Variants in CELF2 observed in about 807,000 individuals in gnomAD.
CELF2 encodes CUGBP Elav-like family member 2, also known as CUG triplet repeat RNA-binding protein 2.
In CELF2, 8 loss-of-function variants were observed where a neutral mutation model predicts 62.6. That is an observed-to-expected ratio of 0.13 (90% CI 0.07 to 0.23). CELF2 has a LOEUF of 0.23. CELF2 is among the 10% of genes least tolerant of loss of function. The pLI is 1.00. For missense variants in CELF2, 333 were observed against 671.0 expected, an observed-to-expected ratio of 0.50 and a Z score of 5.56; for synonymous variants, 258 against 250.0, an observed-to-expected ratio of 1.03 and a Z score of -0.30.
rs116064590 is a variant in CELF2, at chr10:11,271,629, T to G, written c.777+805T>G. Among the ~76,000 whole-genome samples, 966 of 152,332 alleles carry G rather than the reference T, an allele frequency of 6.3e-3. 15 individuals carry two copies. The highest frequency in any genetic ancestry group is 0.022 in the African/African-American group (903 of 41,570). On this transcript the variant is annotated intron_variant, in intron 7 of 12. Coordinates refer to ENST00000633077, the MANE Select transcript of CELF2 (RefSeq NM_001326342.2). ...GCTCTTCTACCCTATTTTTCCACTT[T>G]GGAACATAAGTGCTGGACTTCACAT...
chr10:11,074,656 G>T (rs1430193050), intron 1 of CELF2, among the ~76,000 whole-genome samples: 1 of 152,210 alleles, frequency 6.6e-6, no homozygotes, highest in African/African-American at 2.4e-5. Flanking sequence ...GGCAGCACTT[G>T]TGTGAGCAGA....
At chr10:10,500,582 C>T in the CELF2 span, among the ~76,000 whole-genome samples, 1 of 152,266 alleles carries the variant, frequency 6.6e-6, no homozygotes, top group African/African-American at 2.4e-5. Context: ...ATTGTGAGGC[C>T]TCCCCAGCCA....
intron 2 of CELF2, among the ~76,000 whole-genome samples, chr10:11,189,975 A>G (rs995979176): frequency 6.6e-6 from 1 of 151,880 alleles, no homozygotes; most frequent in African/African-American, 2.4e-5. Context: ...CTGTACTTCC[A>G]TCTCTTTTTG....
intron 2 of CELF2, among the ~76,000 whole-genome samples, chr10:10,985,481 G>A (rs1258592367): frequency 2.0e-5 from 3 of 152,152 alleles, no homozygotes; most frequent in Non-Finnish European, 4.4e-5. Flanking sequence ...CCTTTTGTAA[G>A]ACACCCAACA....
the CELF2 span, among the ~76,000 whole-genome samples, chr10:10,518,681 G>A: frequency 6.6e-6 from 1 of 151,810 alleles, no homozygotes; most frequent in Non-Finnish European, 1.5e-5. Context: ...TTTTTTAATG[G>A]TGGACATCAG....
chr10:10,546,427 G>C, the CELF2 span, among the ~76,000 whole-genome samples: 1 of 152,184 alleles, frequency 6.6e-6, no homozygotes, highest in Non-Finnish European at 1.5e-5. Context: ...CAGGTTTCCG[G>C]GAGACAGTTT....
chr10:10,659,173 C>T, the CELF2 span, among the ~76,000 whole-genome samples: 15 of 152,138 alleles, frequency 9.9e-5, no homozygotes, highest in East Asian at 5.8e-4. Context: ...TTTGCTCCTT[C>T]GTTTTTCTTG....
the CELF2 span, among the ~76,000 whole-genome samples, chr10:10,589,671 G>A: frequency 6.6e-6 from 1 of 152,150 alleles, no homozygotes; most frequent in Non-Finnish European, 1.5e-5. Flanking sequence ...CAAGCTGGGG[G>A]TCATGGAAAT....
intron 1 of CELF2, among the ~76,000 whole-genome samples, chr10:11,060,480 C>A (rs1004332247): frequency 6.6e-6 from 1 of 152,106 alleles, no homozygotes; most frequent in Non-Finnish European, 1.5e-5. Flanking sequence ...TAAAGATGTT[C>A]CTGCATTGCC....
At chr10:11,195,676 C>T (rs536694084) in intron 2 of CELF2, among the ~76,000 whole-genome samples, 2 of 152,288 alleles carry the variant, frequency 1.3e-5, no homozygotes, top group East Asian at 1.9e-4. Context: ...CGTCACAAAC[C>T]GTACGCTTGC....
chr10:10,796,134 G>A (rs184132257), upstream of CELF2, among the ~76,000 whole-genome samples: 205 of 152,226 alleles, frequency 1.3e-3, 2 homozygotes, highest in African/African-American at 4.7e-3. Context: ...GCGGTTACTC[G>A]CCAGGTCCAC....
the CELF2 span, among the ~76,000 whole-genome samples, chr10:10,687,325 T>G: frequency 6.6e-6 from 1 of 152,240 alleles, no homozygotes; most frequent in African/African-American, 2.4e-5. Context: ...ATTTGCTCTT[T>G]AAAAATTTAT....
the CELF2 span, among the ~76,000 whole-genome samples, chr10:10,570,452 G>A: frequency 6.6e-6 from 1 of 152,012 alleles, no homozygotes; most frequent in African/African-American, 2.4e-5. Context: ...CCAGGTGAAA[G>A]GAATTTTATA....
chr10:10,941,958 C>G (rs540670340), intron 2 of CELF2, among the ~76,000 whole-genome samples: 4 of 144,926 alleles, frequency 2.8e-5, no homozygotes, highest in Non-Finnish European at 5.9e-5. Context: ...CACAGCACTT[C>G]ACTCCAGCCT....
intron 1 of CELF2, among the ~76,000 whole-genome samples, chr10:10,820,547 C>T (rs1006373378): frequency 6.6e-6 from 1 of 152,138 alleles, no homozygotes; most frequent in African/African-American, 2.4e-5. Flanking sequence ...AATTTACTGC[C>T]TAGTCAGAAA....
intron 1 of CELF2, among the ~76,000 whole-genome samples, chr10:11,055,805 C>T (rs1036213553): frequency 3.3e-5 from 5 of 152,234 alleles, no homozygotes; most frequent in African/African-American, 1.2e-4. Context: ...TCTTTTCCCT[C>T]TCCCCATCTG....
In CELF2 at chr10:11,328,504, G is replaced by GA. The variant is rs1337546157; in HGVS notation, c.1439-421dup. On this transcript the variant is annotated intron_variant, in intron 12 of 12. Transcript: ENST00000633077. The surrounding 1 kb of genome is among the most constrained non-coding windows in gnomAD (Gnocchi z 6.4). ...TTGGCCTCACCTGGCTGGGACACGT[G>GA]AGCCCCTAGGGGCCCCCACAGCCCT... Among the ~76,000 whole-genome samples, 1 of 152,152 alleles carries GA rather than the reference G, an allele frequency of 6.6e-6. No individual in the cohort carries two copies. Among genetic ancestry groups the GA allele is most frequent in the African/African-American group, 2.4e-5 (1 of 41,410 alleles).
At chr10:11,293,674 C>T (rs1032068670) in intron 9 of CELF2, among the ~76,000 whole-genome samples, 1 of 152,250 alleles carries the variant, frequency 6.6e-6, no homozygotes, top group Admixed American at 6.5e-5. Flanking sequence ...GATGTGGGCA[C>T]TCACTTTGTG....
the CELF2 span, among the ~76,000 whole-genome samples, chr10:10,484,633 A>G: frequency 2.6e-5 from 4 of 151,984 alleles, no homozygotes; most frequent in East Asian, 6.0e-4. Flanking sequence ...CTTTTCAACT[A>G]AAGTACTTGT....
Sources: allele counts gnomAD v4.1 joint callset (sites outside exome capture counted in the v4.1 genomes callset), GRCh38; gene constraint gnomAD v4.1.1; non-coding constraint Gnocchi (gnomAD v3.1); transcripts MANE v1.5; gene names NCBI Gene and HGNC (gene_info 2026-07-23, HGNC 2026-07-21).